The following PTGER4 variants were observed in gnomAD, a reference collection of about 807,000 sequenced individuals.
PTGER4 encodes the protein prostaglandin E2 receptor EP4 subtype.
PTGER4 carries 11 observed loss-of-function variants against 33.2 expected under a neutral mutation model. The ratio of observed to expected loss-of-function variants is 0.33; its 90% CI spans 0.21 to 0.55. PTGER4 has a LOEUF of 0.55. Ranked by LOEUF, PTGER4 falls within the 20% of genes least tolerant of loss-of-function variation. The pLI, the probability that PTGER4 is intolerant of heterozygous loss-of-function variation, is 0.92. For synonymous variants in PTGER4, 275 were observed against 281.5 expected (o/e 0.98, Z 0.23); for missense variants, 481 against 650.2 (o/e 0.74, Z 2.83).
At chr5:40,699,839 TA>T in the PTGER4 span, among the ~76,000 whole-genome samples, 2 of 151,832 alleles carry the variant, frequency 1.3e-5, no homozygotes, top group African/African-American at 4.8e-5. Context: ...TCAATTTAAT[TA>T]AAAAAAAGTA....
the PTGER4 span, among the ~76,000 whole-genome samples, chr5:40,743,593 C>T: frequency 8.6e-5 from 13 of 151,890 alleles, no homozygotes; most frequent in African/African-American, 2.7e-4. Context: ...GCCAACATGG[C>T]GAAATCCCAT....
the PTGER4 span, among the ~76,000 whole-genome samples, chr5:40,746,469 T>G: frequency 6.6e-6 from 1 of 152,198 alleles, no homozygotes; most frequent in African/African-American, 2.4e-5. Flanking sequence ...AAGTTTCCAG[T>G]GATAAGACCA....
chr5:40,718,611 C>A, the PTGER4 span, among the ~76,000 whole-genome samples: 5 of 151,544 alleles, frequency 3.3e-5, no homozygotes, highest in Non-Finnish European at 7.4e-5. Context: ...ATGGTGGCAC[C>A]CTCCACGTGG....
At chr5:40,697,748 AAAAC>A (rs1224992827), downstream of PTGER4, among the ~76,000 whole-genome samples, 2 of 152,130 alleles carry the variant, frequency 1.3e-5, no homozygotes, top group East Asian at 3.9e-4. Flanking sequence ...GACTCCATGA[AAAAC>A]AAAGAGAGGT....
chr5:40,718,721 G>A, the PTGER4 span, among the ~76,000 whole-genome samples: 1 of 151,664 alleles, frequency 6.6e-6, no homozygotes, highest in Non-Finnish European at 1.5e-5. Context: ...CTGGGCGACA[G>A]AGCAAGATTC....
At chr5:40,705,890 G>A in the PTGER4 span, among the ~76,000 whole-genome samples, 1 of 152,166 alleles carries the variant, frequency 6.6e-6, no homozygotes. Flanking sequence ...GTGTAAATTA[G>A]TTCAACCATT....
chr5:40,696,666 T>C (rs1373505353), downstream of PTGER4: 6 of 984,792 alleles, frequency 6.1e-6, no homozygotes, highest in Middle Eastern at 1.0e-3. Context: ...TCAACCCCAT[T>C]TCCCACCATG....
chr5:40,728,535 T>TA, the PTGER4 span: 3 of 1,463,622 alleles, frequency 2.0e-6, no homozygotes, highest in East Asian at 4.7e-5. Context: ...AGCAACTACA[T>TA]AAAAAACCCT....
chr5:40,705,503 C>T, the PTGER4 span, among the ~76,000 whole-genome samples: 1 of 152,124 alleles, frequency 6.6e-6, no homozygotes, highest in African/African-American at 2.4e-5. Context: ...AGAGCTTCTG[C>T]ACAGCAAAAG....
At chr5:40,689,146 C>G (rs1387981210) in intron 2 of PTGER4, among the ~76,000 whole-genome samples, 2 of 152,198 alleles carry the variant, frequency 1.3e-5, no homozygotes, top group African/African-American at 4.8e-5. Flanking sequence ...AACTAAATGG[C>G]TTCACAGTCT....
chr5:40,695,227 T>C (rs1741563842), downstream of PTGER4, among the ~76,000 whole-genome samples: 2 of 152,162 alleles, frequency 1.3e-5, no homozygotes, highest in South Asian at 2.1e-4. Flanking sequence ...ATGGCCAACA[T>C]GGTGAAACTC....
At chr5:40,695,189 C>T (rs145507673), downstream of PTGER4, among the ~76,000 whole-genome samples, 164 of 152,266 alleles carry the variant, frequency 1.1e-3, 1 homozygote, top group East Asian at 0.026. Flanking sequence ...GGCAGTGGAT[C>T]ACTTGAGGTC....
the PTGER4 span, among the ~76,000 whole-genome samples, chr5:40,702,246 G>A: frequency 6.6e-6 from 1 of 152,132 alleles, no homozygotes; most frequent in Non-Finnish European, 1.5e-5. Flanking sequence ...GGATAAAAAA[G>A]CAAGACCCAA....
chr5:40,691,407 C>T lies in PTGER4; in HGVS notation c.868-372C>T, dbSNP rs1051127395. The stretch of plus-strand genomic sequence containing the variant: ...ATGTTGGCCAGGAGGTTCTCAATCT[C>T]TTGACCTAGTGATCCGCCTACCTCG... On this transcript the variant is annotated intron_variant, in intron 2 of 2. Transcript: ENST00000302472. The surrounding 1 kb of genome is among the most constrained non-coding windows in gnomAD (Gnocchi z 4.2). Among the ~76,000 whole-genome samples, 1 of 152,246 alleles carries T rather than the reference C, an allele frequency of 6.6e-6. No individual in the cohort carries two copies. Among genetic ancestry groups the T allele is most frequent in the African/African-American group, 2.4e-5 (1 of 41,470 alleles).
At chr5:40,729,212 C>T in the PTGER4 span, among the ~76,000 whole-genome samples, 1 of 152,074 alleles carries the variant, frequency 6.6e-6, no homozygotes, top group Non-Finnish European at 1.5e-5. Context: ...AATGAAGGTC[C>T]TCATATCACT....
chr5:40,711,420 T>C, the PTGER4 span, among the ~76,000 whole-genome samples: 1 of 152,236 alleles, frequency 6.6e-6, no homozygotes, highest in South Asian at 2.1e-4. Context: ...TGAAATTAAT[T>C]TAATACATTG....
At position 40,681,630 on chromosome 5, in the gene PTGER4, A is replaced by G; in HGVS notation, c.637A>G (p.Met213Val). ...GCTTGTGTGCGGCGCGCTGCTCCGC[A>G]TGCACCGCCAGTTCATGCGCCGCAC... ...NVLVCGALLR[M>V]HRQFMRRTSL... The change falls in exon 2 of 3, where the codon ATG becomes GTG. Residue 213 changes from methionine to valine, a missense_variant. Around this residue, in one of 7 missense-constraint regions of PTGER4, gnomAD observed 174 missense variants for 210.5 expected, o/e 0.83. Coordinates refer to ENST00000302472, the MANE Select transcript of PTGER4 (RefSeq NM_000958.3). This position sits in a 1 kb window ranked among gnomAD's most constrained non-coding sequence, Gnocchi z 9.8. The G allele has an allele frequency of 6.2e-7, 1 of 1,603,692 alleles. No homozygotes were observed. The highest frequency in any genetic ancestry group is 8.5e-7 in the Non-Finnish European group (1 of 1,179,344).
the PTGER4 span, chr5:40,716,617 T>G: frequency 1.5e-6 from 1 of 675,784 alleles, no homozygotes; most frequent in African/African-American, 1.8e-5. Flanking sequence ...ATTATCTTAA[T>G]GTACTAGAAC....
the PTGER4 span, chr5:40,730,209 G>A: frequency 2.3e-5 from 33 of 1,421,040 alleles, no homozygotes; most frequent in East Asian, 5.1e-4. Flanking sequence ...CTCACTCACC[G>A]AACAAACATA....
Sources: gnomAD v4.1 joint callset for allele counts (sites outside exome capture counted in the v4.1 genomes callset) on GRCh38, gnomAD v4.1.1 for gene constraint, gnomAD v4.1.1 regional missense constraint, Gnocchi (gnomAD v3.1) non-coding constraint, MANE v1.5 for transcripts, NCBI Gene and HGNC (gene_info 2026-07-23, HGNC 2026-07-21) for gene names.